Variants in CNTN4 observed in about 807,000 individuals in gnomAD.
CNTN4 encodes contactin 4.
In CNTN4, 77 loss-of-function variants were observed where a neutral mutation model predicts 122.5. The observed-to-expected ratio is 0.63, with a 90% CI of 0.52 to 0.76. The LOEUF is 0.76. Ranked by LOEUF, CNTN4 falls within the 30% of genes least tolerant of loss-of-function variation. The probability of loss-of-function intolerance (pLI) is 0.00; values close to 1 mark genes in which losing one functional copy is unlikely to be tolerated. For synonymous variants in CNTN4, 512 were observed against 447.0 expected (o/e 1.15, Z -1.83); for missense variants, 1,256 against 1,259.1 (o/e 1.00, Z 0.04).
intron 2 of CNTN4, among the ~76,000 whole-genome samples, chr3:2,151,105 A>C (rs2035475107): frequency 6.6e-6 from 1 of 152,104 alleles, no homozygotes; most frequent in South Asian, 2.1e-4. Flanking sequence ...TTGTATTTTT[A>C]GTAGAGATGG....
intron 12 of CNTN4, among the ~76,000 whole-genome samples, chr3:2,905,038 T>G (rs2094214227): frequency 6.6e-6 from 1 of 152,170 alleles, no homozygotes; most frequent in South Asian, 2.1e-4. Flanking sequence ...TGTATGCGTA[T>G]GTGTACGCAT....
At chr3:2,839,829 G>T (rs897567088) in intron 7 of CNTN4, among the ~76,000 whole-genome samples, 1 of 152,162 alleles carries the variant, frequency 6.6e-6, no homozygotes, top group Non-Finnish European at 1.5e-5. Flanking sequence ...GTGTATGCCC[G>T]CAGAGCAGTA....
chr3:2,189,962 G>C (rs536693062), intron 2 of CNTN4, among the ~76,000 whole-genome samples: 1 of 152,192 alleles, frequency 6.6e-6, no homozygotes, highest in Non-Finnish European at 1.5e-5. Context: ...CAAAGGCTTG[G>C]ACCAGTGTCT....
At chr3:2,255,687 T>G (rs1431987956) in intron 2 of CNTN4, among the ~76,000 whole-genome samples, 1 of 152,192 alleles carries the variant, frequency 6.6e-6, no homozygotes, top group Non-Finnish European at 1.5e-5. Context: ...GCTGAATGAC[T>G]ACTGGGTAAA....
intron 3 of CNTN4, among the ~76,000 whole-genome samples, chr3:2,513,573 C>G (rs1322319850): frequency 2.0e-5 from 3 of 151,806 alleles, no homozygotes; most frequent in African/African-American, 7.3e-5. Flanking sequence ...GAGTATCTTC[C>G]CAATGTAGTT....
At chr3:2,107,955 C>G (rs1419287751) in intron 2 of CNTN4, among the ~76,000 whole-genome samples, 1 of 152,102 alleles carries the variant, frequency 6.6e-6, no homozygotes, top group Non-Finnish European at 1.5e-5. Flanking sequence ...TAATTCTTCT[C>G]AAAGCTGATC....
intron 3 of CNTN4, among the ~76,000 whole-genome samples, chr3:2,405,344 A>G (rs576190915): frequency 2.0e-5 from 3 of 152,170 alleles, no homozygotes; most frequent in South Asian, 2.1e-4. Context: ...AGTTCTTCAA[A>G]TGCTCTTTGA....
At chr3:2,414,658 C>A (rs748106482) in intron 3 of CNTN4, among the ~76,000 whole-genome samples, 5 of 151,950 alleles carry the variant, frequency 3.3e-5, no homozygotes, top group South Asian at 2.1e-4. Flanking sequence ...GTAGAAAAAT[C>A]AAAATTTTCA....
At chr3:2,441,280 A>G (rs2048429247) in intron 3 of CNTN4, among the ~76,000 whole-genome samples, 1 of 152,206 alleles carries the variant, frequency 6.6e-6, no homozygotes, top group African/African-American at 2.4e-5. Context: ...GGACTATGAT[A>G]TGCAGTAATA....
intron 2 of CNTN4, among the ~76,000 whole-genome samples, chr3:2,221,540 G>A (rs542244108): frequency 1.3e-5 from 2 of 149,016 alleles, no homozygotes; most frequent in Middle Eastern, 3.5e-3. Flanking sequence ...AAAAGGAAAA[G>A]ATAGATTGCA....
At chr3:2,608,799 T>G (rs2081363301) in intron 4 of CNTN4, among the ~76,000 whole-genome samples, 1 of 152,220 alleles carries the variant, frequency 6.6e-6, no homozygotes, top group African/African-American at 2.4e-5. Flanking sequence ...TGGCTCTTTT[T>G]AAAAAATGCA....
intron 4 of CNTN4, among the ~76,000 whole-genome samples, chr3:2,595,948 A>G (rs944715017): frequency 2.6e-5 from 4 of 152,188 alleles, no homozygotes; most frequent in Non-Finnish European, 5.9e-5. Flanking sequence ...TGTGGGTGGC[A>G]TTGCACTAGT....
intron 7 of CNTN4, among the ~76,000 whole-genome samples, chr3:2,859,774 T>C (rs1187692294): frequency 6.6e-6 from 1 of 152,230 alleles, no homozygotes; most frequent in African/African-American, 2.4e-5. Context: ...CATATACTCA[T>C]ATTTGGCTTA....
intron 4 of CNTN4, among the ~76,000 whole-genome samples, chr3:2,604,558 G>A (rs2081181237): frequency 6.6e-6 from 1 of 152,064 alleles, no homozygotes; most frequent in Non-Finnish European, 1.5e-5. Flanking sequence ...TTTGTTCCAA[G>A]GAAAACTTAA....
rs2149328130 is a variant in CNTN4 at position 2,709,666 on chromosome 3, C to T, written c.56-26549C>T. 6.6e-6 allele frequency among the ~76,000 whole-genome samples: 1 copy of T among 152,278 alleles called. No homozygotes were observed. Among genetic ancestry groups the T allele is most frequent in the South Asian group, 2.1e-4 (1 of 4,830 alleles). ...CGGTGGCTCTCACCTGTAACCGCAG[C>T]ACTTTGGGAGGCTGAGGCAGGTGGA... On this transcript the variant is annotated intron_variant, in intron 4 of 24. Coordinates refer to ENST00000418658, the MANE Select transcript of CNTN4 (RefSeq NM_175607.3). The surrounding 1 kb of genome is among the most constrained non-coding windows in gnomAD (Gnocchi z 5.0).
chr3:2,134,636 G>C (rs73806306), intron 2 of CNTN4, among the ~76,000 whole-genome samples: 119 of 152,296 alleles, frequency 7.8e-4, no homozygotes, highest in African/African-American at 2.8e-3. Flanking sequence ...GACAATGGCT[G>C]GTCCTATTTT....
intron 3 of CNTN4, among the ~76,000 whole-genome samples, chr3:2,396,256 C>A (rs1222163639): frequency 6.6e-6 from 1 of 152,120 alleles, no homozygotes; most frequent in Non-Finnish European, 1.5e-5. Context: ...AACTCCTGGG[C>A]TCGAGCCATC....
intron 7 of CNTN4, among the ~76,000 whole-genome samples, chr3:2,835,192 A>T (rs892946980): frequency 2.2e-4 from 34 of 152,174 alleles, no homozygotes; most frequent in African/African-American, 6.7e-4. Flanking sequence ...GGCATGAGCC[A>T]CCTCGCCCGG....
chr3:2,740,987 G>A (rs2149520546), intron 5 of CNTN4, among the ~76,000 whole-genome samples: 1 of 152,258 alleles, frequency 6.6e-6, no homozygotes, highest in Middle Eastern at 3.4e-3. Flanking sequence ...AAGATCACCA[G>A]AGAAAGAAAA....
Sources: gnomAD v4.1 joint callset for allele counts (sites outside exome capture counted in the v4.1 genomes callset) on GRCh38, gnomAD v4.1.1 for gene constraint, Gnocchi (gnomAD v3.1) non-coding constraint, MANE v1.5 for transcripts, NCBI Gene and HGNC (gene_info 2026-07-23, HGNC 2026-07-21) for gene names.